DNM3: variants seen among roughly 807,000 people sequenced by gnomAD.
DNM3 encodes the protein dynamin 3, also known as dynamin-3.
Under a neutral mutation model 101.6 loss-of-function variants are expected in DNM3, and 47 were observed. The ratio of observed to expected loss-of-function variants is 0.46; its 90% confidence interval spans 0.37 to 0.59. DNM3 has a LOEUF of 0.59. DNM3 is among the 20% of genes least tolerant of loss of function. The probability of loss-of-function intolerance (pLI) is 0.00; values close to 1 mark genes in which losing one functional copy is unlikely to be tolerated. For synonymous variants in DNM3, 385 were observed against 387.9 expected (o/e 0.99, Z 0.09); for missense variants, 849 against 1,085.7 (o/e 0.78, Z 3.06).
intron 10 of DNM3, among the ~76,000 whole-genome samples, chr1:172,063,370 GT>G (rs35108021): frequency 0.13 from 18,256 of 145,220 alleles, 1,594 homozygotes; most frequent in African/African-American, 0.25. Context: ...TCTCCCAAGT[GT>G]TTTTTTTTTT....
At chr1:171,925,896 A>G (rs1166976187) in intron 2 of DNM3, among the ~76,000 whole-genome samples, 1 of 152,174 alleles carries the variant, frequency 6.6e-6, no homozygotes, top group African/African-American at 2.4e-5. Context: ...GGTGAGAGAT[A>G]GGGGTCCAGT....
Position 172,267,556 on chromosome 1 carries a change from G to GA in DNM3, c.1769+13884dup, listed in dbSNP as rs911581170. Among the ~76,000 whole-genome samples, 458 of 144,242 alleles carry GA rather than the reference G, an allele frequency of 3.2e-3. 6 individuals are homozygous for GA. Among genetic ancestry groups the GA allele is most frequent in the African/African-American group, 0.011 (412 of 38,240 alleles). The allele number at this position is 144,242 out of a possible 152,430, so 94.6% of individuals were successfully genotyped here. A position where few individuals can be genotyped will look rare whatever the true frequency, so the allele number is the denominator to read the frequency against. On this transcript the variant is annotated intron_variant, in intron 15 of 20. Coordinates refer to ENST00000627582, the MANE Select transcript of DNM3 (RefSeq NM_015569.5). ...AGAATTCTATGACATTGTCCTTTAA[G>GA]AAAAAAAAAAGCATAGATGTTTTAT...
chr1:172,087,985 C>G (rs1046896612), intron 12 of DNM3, among the ~76,000 whole-genome samples: 2 of 152,180 alleles, frequency 1.3e-5, no homozygotes, highest in Admixed American at 1.3e-4. Flanking sequence ...TAACACATGC[C>G]TATGATATGC....
chr1:171,865,515 CAAAAAAAAA>C (rs57826674), intron 1 of DNM3, among the ~76,000 whole-genome samples: 1 of 80,652 alleles, frequency 1.2e-5, no homozygotes, highest in East Asian at 4.3e-4. Context: ...GATCCTGTCT[CAAAAAAAAA>C]AAAAAAAAAA....
chr1:172,307,792 G>C (rs1331338632), intron 15 of DNM3, among the ~76,000 whole-genome samples: 1 of 151,712 alleles, frequency 6.6e-6, no homozygotes, highest in Non-Finnish European at 1.5e-5. Flanking sequence ...CAAACACCAC[G>C]TGTTCTCACT....
intron 15 of DNM3, among the ~76,000 whole-genome samples, chr1:172,283,589 G>A (rs1031315677): frequency 6.6e-5 from 10 of 151,454 alleles, no homozygotes; most frequent in African/African-American, 1.5e-4. Flanking sequence ...CTGAAACGCC[G>A]TCTCTACTAA....
intron 4 of DNM3, among the ~76,000 whole-genome samples, chr1:172,021,321 T>A (rs75645064): frequency 1.3e-5 from 2 of 151,702 alleles, no homozygotes; most frequent in African/African-American, 2.4e-5. Context: ...TTTTTTTTTT[T>A]AATTACCCAA....
intron 4 of DNM3, among the ~76,000 whole-genome samples, chr1:172,009,764 G>A (rs10158884): frequency 0.28 from 42,528 of 150,794 alleles, 7,157 homozygotes; most frequent in African/African-American, 0.47. Flanking sequence ...ATAGATTTCA[G>A]TTTACATATT....
At chr1:172,337,972 A>G (rs2066521519) in intron 17 of DNM3, among the ~76,000 whole-genome samples, 1 of 147,622 alleles carries the variant, frequency 6.8e-6, no homozygotes, top group Admixed American at 6.9e-5. Context: ...GCTGGAGTGC[A>G]ATGGTGCAAT....
At chr1:172,202,515 T>C (rs1202691206) in intron 14 of DNM3, among the ~76,000 whole-genome samples, 9 of 152,206 alleles carry the variant, frequency 5.9e-5, no homozygotes, top group Admixed American at 5.2e-4. Flanking sequence ...TGATATGATA[T>C]ATTTCACACT....
chr1:172,094,502 A>G (rs2054117210), intron 13 of DNM3, among the ~76,000 whole-genome samples: 2 of 152,136 alleles, frequency 1.3e-5, no homozygotes, highest in South Asian at 4.1e-4. Context: ...CTGGGTTCAA[A>G]TTCTGTTCTG....
intron 15 of DNM3, among the ~76,000 whole-genome samples, chr1:172,295,168 T>C (rs918963915): frequency 9.9e-5 from 15 of 152,184 alleles, no homozygotes; most frequent in African/African-American, 3.6e-4. Context: ...GAAGCCTCTA[T>C]GTTTCTTCAC....
intron 4 of DNM3, among the ~76,000 whole-genome samples, chr1:172,016,492 T>G (rs2047463015): frequency 6.6e-6 from 1 of 152,260 alleles, no homozygotes; most frequent in Non-Finnish European, 1.5e-5. Context: ...ACTACATTGT[T>G]GGACTTGACT....
intron 14 of DNM3, among the ~76,000 whole-genome samples, chr1:172,211,129 T>G (rs979359247): frequency 6.6e-6 from 1 of 152,134 alleles, no homozygotes; most frequent in African/African-American, 2.4e-5. Context: ...TAGGATAGAA[T>G]CAACCCTATC....
At chr1:172,069,711 A>G (rs997326617) in intron 11 of DNM3, among the ~76,000 whole-genome samples, 3 of 152,216 alleles carry the variant, frequency 2.0e-5, no homozygotes, top group Admixed American at 1.3e-4. Flanking sequence ...CACTGGACTT[A>G]GGCCATGTGC....
chr1:172,100,406 A>G (rs761011615), intron 13 of DNM3, among the ~76,000 whole-genome samples: 4 of 152,208 alleles, frequency 2.6e-5, no homozygotes, highest in Non-Finnish European at 5.9e-5. Flanking sequence ...TTTTCCTGCC[A>G]TGTCCCCTAG....
intron 13 of DNM3, among the ~76,000 whole-genome samples, chr1:172,119,457 A>AT (rs1166135459): frequency 1.3e-5 from 2 of 151,662 alleles, no homozygotes; most frequent in East Asian, 1.9e-4. Flanking sequence ...TCTTTCATTC[A>AT]TTTTTGTAGT....
At chr1:172,071,450 G>A (rs555978894) in intron 11 of DNM3, among the ~76,000 whole-genome samples, 2 of 152,102 alleles carry the variant, frequency 1.3e-5, no homozygotes, top group East Asian at 1.9e-4. Context: ...GATGGATCTC[G>A]CATTTGAATT....
At chr1:172,088,775 C>T (rs550340671) in intron 12 of DNM3, among the ~76,000 whole-genome samples, 2 of 152,128 alleles carry the variant, frequency 1.3e-5, no homozygotes, top group African/African-American at 4.8e-5. Flanking sequence ...ATTTCTTGTC[C>T]CTGAACATTC....
Sources: allele counts gnomAD v4.1 joint callset (sites outside exome capture counted in the v4.1 genomes callset), GRCh38; gene constraint gnomAD v4.1.1; transcripts MANE v1.5; gene names NCBI Gene and HGNC (gene_info 2026-07-23, HGNC 2026-07-21).